DPP4: variants seen among roughly 807,000 people sequenced by gnomAD.
DPP4 encodes ADCP-2.
Under a neutral mutation model 122.4 loss-of-function variants are expected in DPP4, and 93 were observed. The observed-to-expected ratio is 0.76, with a 90% CI of 0.64 to 0.90. DPP4 has a LOEUF of 0.90. Ranked by LOEUF, DPP4 falls within the 40% of genes least tolerant of loss-of-function variation. DPP4 has a pLI of 0.00. For missense variants in DPP4, 914 were observed against 907.3 expected (o/e 1.01, Z -0.09); for synonymous variants, 321 against 302.9 (o/e 1.06, Z -0.62).
rs1468540664 is a variant in DPP4 at position 162,040,658 on chromosome 2, G to A, written c.367-1474C>T. On this transcript the variant is annotated intron_variant, in intron 5 of 25. Transcript: ENST00000360534. Reference sequence around the variant, plus strand: ...ACATGTCATCATACTTTTGTCAAGAGCCATAGATTTGTCAGAATCCACCAT... The same window carrying A: ...ACATGTCATCATACTTTTGTCAAGAACCATAGATTTGTCAGAATCCACCAT... Among the ~76,000 whole-genome samples the A allele has an allele frequency of 3.3e-5, 5 of 151,890 alleles. No homozygotes were observed. In the East Asian group the frequency reaches 9.6e-4, roughly 29 times the overall value.
intron 22 of DPP4, among the ~76,000 whole-genome samples, chr2:162,007,115 A>T (rs2106083449): frequency 6.6e-6 from 1 of 152,232 alleles, no homozygotes; most frequent in South Asian, 2.1e-4. Flanking sequence ...CTGACTATGC[A>T]TAATTTTATA....
chr2:162,061,178 A>T (rs1288993174), intron 2 of DPP4, among the ~76,000 whole-genome samples: 2 of 152,140 alleles, frequency 1.3e-5, no homozygotes, highest in Non-Finnish European at 2.9e-5. Flanking sequence ...AAGAGCTAGG[A>T]TTACATGTGT....
At chr2:162,043,834 C>G (rs1194268181) in intron 5 of DPP4, among the ~76,000 whole-genome samples, 1 of 152,058 alleles carries the variant, frequency 6.6e-6, no homozygotes, top group African/African-American at 2.4e-5. Flanking sequence ...TTGAGACCAG[C>G]CTGGGGAACA....
chr2:162,009,052 C>T (rs1701353023), intron 21 of DPP4, among the ~76,000 whole-genome samples, 189 bp downstream of exon 21: 1 of 152,096 alleles, frequency 6.6e-6, no homozygotes, highest in South Asian at 2.1e-4. Flanking sequence ...ACCTCACCTC[C>T]CTGGCTCATC....
intron 2 of DPP4, among the ~76,000 whole-genome samples, chr2:162,064,663 G>T (rs1041198351): frequency 1.3e-5 from 2 of 152,182 alleles, no homozygotes; most frequent in African/African-American, 4.8e-5. Flanking sequence ...TAAATTGTCA[G>T]TAATTCCCCT....
intron 2 of DPP4, among the ~76,000 whole-genome samples, chr2:162,065,670 G>A (rs934257961): frequency 6.6e-6 from 1 of 152,088 alleles, no homozygotes; most frequent in Non-Finnish European, 1.5e-5. Context: ...GCCAGTTTGG[G>A]GGCTGAAGGA....
Position 162,020,235 on chromosome 2 carries a change from T to C in DPP4, c.1238A>G (p.Asp413Gly). ...CAATTGTTACAATACTCACAGATAA[T>C]CACTGGTTAGAGCTTCTATCCCGAT... is the stretch of plus-strand genomic sequence containing the variant. Reference protein sequence around the residue: ...EVIGIEALTSDYLYYISNEYK... With the variant: ...EVIGIEALTSGYLYYISNEYK... The change falls in exon 14 of 26, where the codon GAT (aspartate) becomes GGT (glycine). Residue 413 changes from aspartate to glycine, a missense_variant. Coordinates refer to ENST00000360534, the MANE Select transcript of DPP4 (RefSeq NM_001935.4). 6.2e-7 allele frequency: 1 copy of C among 1,606,676 alleles called. No individual in the cohort carries two copies. The highest frequency in any genetic ancestry group is 1.3e-5 in the African/African-American group (1 of 74,308).
chr2:162,043,895 G>T (rs1684081839), intron 5 of DPP4, among the ~76,000 whole-genome samples: 1 of 152,112 alleles, frequency 6.6e-6, no homozygotes, highest in Non-Finnish European at 1.5e-5. Context: ...GGGCATGGTG[G>T]TGCACACCTG....
intron 11 of DPP4, among the ~76,000 whole-genome samples, chr2:162,024,037 G>A (rs868269553): frequency 6.6e-6 from 1 of 152,202 alleles, no homozygotes; most frequent in Non-Finnish European, 1.5e-5. Context: ...GAGGCTCCAG[G>A]TCTGGGAGGT....
intron 4 of DPP4, 27 bp downstream of exon 4, chr2:162,046,888 A>G (rs772782070): frequency 2.1e-6 from 3 of 1,413,322 alleles, no homozygotes; most frequent in Admixed American, 1.7e-5. Flanking sequence ...AATTCTATGC[A>G]TGAATTAATT....
chr2:162,010,498 C>A (rs1028076649), intron 20 of DPP4, among the ~76,000 whole-genome samples: 2 of 152,134 alleles, frequency 1.3e-5, no homozygotes, highest in African/African-American at 2.4e-5. Flanking sequence ...TTAGTTGCTG[C>A]AATAGTGTGT....
chr2:162,001,003 T>C (rs111295872), intron 23 of DPP4, among the ~76,000 whole-genome samples: 175 of 152,346 alleles, frequency 1.1e-3, no homozygotes, highest in Admixed American at 2.6e-3. Flanking sequence ...CTGCTATTCA[T>C]TTGTCTACTG....
At chr2:161,998,705 G>T (rs777380654) in intron 23 of DPP4, among the ~76,000 whole-genome samples, 7 of 151,972 alleles carry the variant, frequency 4.6e-5, no homozygotes, top group Non-Finnish European at 1.0e-4. Flanking sequence ...TTTCTTAAAT[G>T]GAGTGAATAC....
chr2:162,036,062 T>G (rs2106120931), intron 8 of DPP4, among the ~76,000 whole-genome samples: 1 of 152,254 alleles, frequency 6.6e-6, no homozygotes, highest in Non-Finnish European at 1.5e-5. Context: ...CTATGATTAT[T>G]ATGGGGTCTA....
intron 10 of DPP4, 98 bp downstream of exon 10, chr2:162,033,443 T>C (rs1367822989): frequency 7.6e-6 from 6 of 792,300 alleles, no homozygotes; most frequent in Non-Finnish European, 1.0e-5. Flanking sequence ...GATGACACAG[T>C]GGGAGGCTGT....
chr2:162,065,480 T>A (rs1002023538), intron 2 of DPP4, among the ~76,000 whole-genome samples: 3 of 152,244 alleles, frequency 2.0e-5, no homozygotes, highest in Non-Finnish European at 4.4e-5. Context: ...ACTTTACTTC[T>A]GCACTTCCAA....
At chr2:162,032,973 T>C (rs1683611426) in intron 10 of DPP4, among the ~76,000 whole-genome samples, 1 of 152,186 alleles carries the variant, frequency 6.6e-6, no homozygotes, top group African/African-American at 2.4e-5. Flanking sequence ...CTTTGGGACC[T>C]GACCTTGTCC....
chr2:162,001,750 G>A (rs1182080146), intron 23 of DPP4, among the ~76,000 whole-genome samples: 2 of 152,100 alleles, frequency 1.3e-5, no homozygotes, highest in Non-Finnish European at 2.9e-5. Context: ...TTGCCTCTTT[G>A]GATCTGATTC....
intron 16 of DPP4, chr2:162,017,427 G>T: frequency 2.3e-6 from 1 of 425,730 alleles, no homozygotes; most frequent in Non-Finnish European, 4.2e-6. Flanking sequence ...GGCACCTTGG[G>T]CACATTATCA....
Sources: gnomAD v4.1 joint callset for allele counts (sites outside exome capture counted in the v4.1 genomes callset) on GRCh38, gnomAD v4.1.1 for gene constraint, MANE v1.5 for transcripts, NCBI Gene and HGNC (gene_info 2026-07-23, HGNC 2026-07-21) for gene names.